KIAA1671: variants seen among roughly 807,000 people sequenced by gnomAD.
The protein encoded by KIAA1671 is KIAA1671.
KIAA1671 carries 52 observed loss-of-function variants against 131.2 expected under a neutral mutation model. The ratio of observed to expected loss-of-function variants is 0.40; its 90% CI spans 0.32 to 0.50. KIAA1671 has a LOEUF of 0.50. Among genes scored for constraint, KIAA1671 ranks in the 20% least tolerant of loss-of-function variants. The pLI is 0.73. For synonymous variants in KIAA1671, 1,003 were observed against 961.6 expected (o/e 1.04, Z -0.80); for missense variants, 2,360 against 2,364.2 (o/e 1.00, Z 0.04).
intron 1 of KIAA1671, chr22:25,011,692 C>T (rs1354996539): frequency 7.2e-6 from 1 of 139,544 alleles, no homozygotes; most frequent in Non-Finnish European, 1.5e-5. Context: ...GGCTGGAGTG[C>T]AGTGGTGCGA....
chr22:25,163,334 T>A (rs1464759488), intron 6 of KIAA1671, among the ~76,000 whole-genome samples: 3 of 70,790 alleles, frequency 4.2e-5, no homozygotes, highest in Non-Finnish European at 7.5e-5. Flanking sequence ...GCCTCAAATT[T>A]TTTTTTTTTT....
intron 1 of KIAA1671, among the ~76,000 whole-genome samples, chr22:25,004,263 A>G (rs759601567): frequency 1.3e-5 from 2 of 151,840 alleles, no homozygotes; most frequent in East Asian, 3.9e-4. Context: ...CTACAGGTAC[A>G]CACCACCACG....
intron 6 of KIAA1671, chr22:25,061,854 G>A (rs1928177717): frequency 1.3e-5 from 2 of 152,340 alleles, no homozygotes; most frequent in Non-Finnish European, 2.9e-5. Context: ...CCCTGCGCAT[G>A]CCCAGGCAAG....
intron 1 of KIAA1671, among the ~76,000 whole-genome samples, chr22:24,966,404 C>G (rs1247260101): frequency 6.6e-6 from 1 of 152,148 alleles, no homozygotes; most frequent in African/African-American, 2.4e-5. Context: ...GGACTTGAAG[C>G]CTGGGTTTTG....
chr22:24,999,273 C>T (rs537029544), intron 1 of KIAA1671, among the ~76,000 whole-genome samples: 19 of 152,304 alleles, frequency 1.2e-4, no homozygotes, highest in Admixed American at 3.9e-4. Flanking sequence ...CTTGCTCTGT[C>T]ACCTAGGCTG....
chr22:25,108,574 A>C (rs1314577613), intron 6 of KIAA1671, among the ~76,000 whole-genome samples: 1 of 152,224 alleles, frequency 6.6e-6, no homozygotes, highest in Non-Finnish European at 1.5e-5. Context: ...GGGTGGAGCC[A>C]GGCACTCATG....
At chr22:25,072,061 A>G (rs745405184) in intron 6 of KIAA1671, among the ~76,000 whole-genome samples, 33 of 152,104 alleles carry the variant, frequency 2.2e-4, no homozygotes, top group Admixed American at 1.3e-4. Flanking sequence ...AGTTGATGCT[A>G]GGGTAGGGGT....
Position 25,179,646 on chromosome 22 carries a change from G to C in KIAA1671, c.5075-2053G>C, listed in dbSNP as rs1934195614. The C allele has an allele frequency of 7.1e-6, 5 of 704,406 alleles. No individual in the cohort carries two copies. The Admixed American group carries it at 1.5e-4, about 21-fold the overall frequency. The allele number at this position is 704,406 out of a possible 1,614,324, so 43.6% of individuals were successfully genotyped here. A position where few individuals can be genotyped will look rare whatever the true frequency, so the allele number is the denominator to read the frequency against. On this transcript the variant is annotated intron_variant, in intron 9 of 12. Transcript: ENST00000358431. ...GTGGAAACTGATTTCTTGTTATGCAGAACTTATCAGAAACTAGGTAAAACA... is the reference window on the plus strand; with the variant it reads ...GTGGAAACTGATTTCTTGTTATGCACAACTTATCAGAAACTAGGTAAAACA...
intron 1 of KIAA1671, chr22:25,010,872 A>G (rs1014650828): frequency 1.3e-5 from 2 of 152,204 alleles, no homozygotes; most frequent in Non-Finnish European, 2.9e-5. Context: ...CCATGTCACT[A>G]TCCTTAAATT....
At chr22:25,016,337 C>CA (rs950903042) in intron 1 of KIAA1671, among the ~76,000 whole-genome samples, 2 of 152,122 alleles carry the variant, frequency 1.3e-5, no homozygotes, top group African/African-American at 4.8e-5. Context: ...CAGGGGCTCC[C>CA]TTAAAAGAGA....
intron 6 of KIAA1671, among the ~76,000 whole-genome samples, chr22:25,140,870 G>GT (rs1275412664): frequency 1.3e-5 from 2 of 152,222 alleles, no homozygotes; most frequent in East Asian, 3.9e-4. Context: ...ATCATGAATG[G>GT]TTATTCCAGC....
intron 6 of KIAA1671, among the ~76,000 whole-genome samples, chr22:25,065,939 G>A (rs1928453435): frequency 6.6e-6 from 1 of 152,038 alleles, no homozygotes. Flanking sequence ...GCGCCTGATC[G>A]AGACTGGGTA....
Position 25,029,529 on chromosome 22 carries a change from T to A in KIAA1671, c.1530T>A (p.Asp510Glu). The A allele has an allele frequency of 6.5e-7, 1 of 1,539,428 alleles. No individual in the cohort carries two copies. The highest frequency in any genetic ancestry group is 8.8e-7 in the Non-Finnish European group (1 of 1,140,968). Residue 510 changes from aspartate to glutamate, a missense_variant, in exon 3 of 13, where the codon GAT (aspartate) becomes GAA (glutamate). By Grantham distance (45) the Asp-to-Glu change is conservative (BLOSUM62 2). Coordinates refer to ENST00000358431, the MANE Select transcript of KIAA1671 (RefSeq NM_001145206.2). ...TCCAGGCTCGGCCGCTGTCGGCGGA[T>A]TTGACCAAATTGTAAGTAGGCACAT... ...RTFQARPLSA[D>E]LTKLFSSSAS...
At chr22:25,125,308 G>A (rs1193087205) in intron 6 of KIAA1671, among the ~76,000 whole-genome samples, 5 of 152,206 alleles carry the variant, frequency 3.3e-5, no homozygotes, top group African/African-American at 1.2e-4. Context: ...ACTGAGCTAA[G>A]CAGATTGTCT....
At chr22:24,981,090 T>TG (rs1555949694) in intron 1 of KIAA1671, among the ~76,000 whole-genome samples, 12 of 124,990 alleles carry the variant, frequency 9.6e-5, no homozygotes, top group African/African-American at 2.8e-4. Context: ...GTGTGTGTGT[T>TG]TTTACTGTAT....
At chr22:25,162,387 A>G (rs1439323770) in intron 6 of KIAA1671, among the ~76,000 whole-genome samples, 1 of 152,172 alleles carries the variant, frequency 6.6e-6, no homozygotes, top group Non-Finnish European at 1.5e-5. Context: ...CACTTCTGGA[A>G]TCTCTCAGAA....
chr22:25,028,761 G>C lies in KIAA1671; in HGVS notation c.762G>C (p.Gln254His), dbSNP rs1926104840. Residue 254 changes from glutamine to histidine, a missense_variant, in exon 3 of 13, where the codon CAG becomes CAC. Around this residue, in one of 3 missense-constraint regions of KIAA1671, gnomAD observed 1,185 missense variants for 1,126.2 expected, o/e 1.05. Coordinates refer to ENST00000358431, the MANE Select transcript of KIAA1671 (RefSeq NM_001145206.2). The part of the protein sequence containing the change: ...SAIFTESIQP[Q>H]KPGPGAAATV... The stretch of plus-strand genomic sequence containing the variant: ...TTTTCACGGAGTCCATTCAGCCTCA[G>C]AAGCCAGGCCCCGGCGCAGCGGCCA... The C allele has an allele frequency of 6.4e-7, 1 of 1,551,206 alleles. No individual in the cohort carries two copies. The highest frequency in any genetic ancestry group is 2.0e-5 in the Admixed American group (1 of 50,990).
chr22:25,194,302 C>G lies in KIAA1671; in HGVS notation c.*1901C>G, dbSNP rs898016743. On this transcript the variant is annotated 3_prime_UTR_variant, in exon 13 of 13. Coordinates refer to ENST00000358431, the MANE Select transcript of KIAA1671 (RefSeq NM_001145206.2). Reference sequence around the variant, plus strand: ...TGTTGCCCAGGCTGGTCTCGAACTTCTGGGCTCAAGCAATTGTCCCTCCTC... The same window carrying G: ...TGTTGCCCAGGCTGGTCTCGAACTTGTGGGCTCAAGCAATTGTCCCTCCTC... 6.6e-6 allele frequency: 1 copy of G among 152,296 alleles called. No homozygotes were observed. The highest frequency in any genetic ancestry group is 2.4e-5 in the African/African-American group (1 of 41,460). 9.4% of individuals were successfully genotyped at this position (152,296 alleles called of 1,614,324 possible).
intron 7 of KIAA1671, among the ~76,000 whole-genome samples, chr22:25,173,608 A>G (rs990303344): frequency 6.6e-6 from 1 of 152,214 alleles, no homozygotes; most frequent in Non-Finnish European, 1.5e-5. Flanking sequence ...TGTAATTACT[A>G]TGTATCGATT....
Sources: allele counts gnomAD v4.1 joint callset (sites outside exome capture counted in the v4.1 genomes callset), GRCh38; gene constraint gnomAD v4.1.1; regional missense constraint gnomAD v4.1.1; transcripts MANE v1.5; gene names NCBI Gene and HGNC (gene_info 2026-07-23, HGNC 2026-07-21).